Variants in SLFN5 observed in about 807,000 individuals in gnomAD.
SLFN5 encodes schlafen family member 5.
In SLFN5, 34 loss-of-function variants were observed where a neutral mutation model predicts 48.5. The observed-to-expected ratio is 0.70, with a 90% CI of 0.53 to 0.93. The LOEUF is 0.93. SLFN5 is among the 40% of genes least tolerant of loss of function. The pLI, the probability that SLFN5 is intolerant of heterozygous loss-of-function variation, is 0.00. For synonymous variants in SLFN5, 387 were observed against 396.2 expected, an observed-to-expected ratio of 0.98 and a Z score of 0.28; for missense variants, 1,006 against 1,071.3, an observed-to-expected ratio of 0.94 and a Z score of 0.85.
rs1448653198 is a variant in SLFN5, at chr17:35,271,208, T to G, written c.*5320T>G. On this transcript the variant is annotated 3_prime_UTR_variant, in exon 5 of 5. Coordinates refer to ENST00000299977, the MANE Select transcript of SLFN5 (RefSeq NM_144975.4). The stretch of plus-strand genomic sequence containing the variant: ...AATAATGTACTTATAGTATTCATCT[T>G]CATACAGGGATGGACTATAAGTGAT... 6.6e-6 allele frequency: 1 copy of G among 152,208 alleles called. No individual in the cohort carries two copies. Among genetic ancestry groups the G allele is most frequent in the African/African-American group, 2.4e-5 (1 of 41,456 alleles). The allele number at this position is 152,208 out of a possible 1,614,324, so 9.4% of individuals were successfully genotyped here. A position where few individuals can be genotyped will look rare whatever the true frequency, so the allele number is the denominator to read the frequency against.
At position 35,264,612 on chromosome 17, in the gene SLFN5, C is replaced by T. The variant is rs1904620021; in HGVS notation, c.1568C>T (p.Pro523Leu). 1.2e-6 allele frequency: 2 copies of T among 1,614,168 alleles called. No homozygotes were observed. Among genetic ancestry groups the T allele is most frequent in the Non-Finnish European group, 1.7e-6 (2 of 1,180,034 alleles). ...CCTGAATCCTATAACTTCATGACCC[C>T]CCAGCACATGGAAGCCCTGTTACAG... ...IYPESYNFMT[P>L]QHMEALLQSL... Residue 523 changes from proline (P) to leucine (L), a missense_variant, in exon 4 of 5, where the codon CCC becomes CTC. Transcript: ENST00000299977.
chr17:35,255,529 G>A (rs1300541852), intron 1 of SLFN5, among the ~76,000 whole-genome samples: 1 of 152,188 alleles, frequency 6.6e-6, no homozygotes, highest in African/African-American at 2.4e-5. Context: ...AGAGTTGGGA[G>A]GTAGAGCCTT....
Position 35,259,366 on chromosome 17 carries a change from T to C in SLFN5, c.676T>C (p.Tyr226His), listed in dbSNP as rs779326907. Residue 226 changes from tyrosine (Y) to histidine (H), a missense_variant, in exon 2 of 5, where the codon TAT becomes CAT. Physicochemically the swap from Tyr to His is moderately conservative, Grantham distance 83 (BLOSUM62 2). Coordinates refer to ENST00000299977, the MANE Select transcript of SLFN5 (RefSeq NM_144975.4). ...TGCATTTGCAAATACTGAAGGAGGA[T>C]ATGTATTTTTTGGTGTGCATGATGA... is the stretch of plus-strand genomic sequence containing the variant. Reference protein sequence around the residue: ...VSAFANTEGGYVFFGVHDETC... With the variant: ...VSAFANTEGGHVFFGVHDETC... 31 of 1,614,016 alleles carry C rather than the reference T, an allele frequency of 1.9e-5. No individual in the cohort carries two copies. In the East Asian group the frequency reaches 6.9e-4, roughly 36 times the overall value.
chr17:35,249,689 G>C (rs777429516), intron 1 of SLFN5, among the ~76,000 whole-genome samples: 3 of 152,132 alleles, frequency 2.0e-5, no homozygotes, highest in African/African-American at 7.2e-5. Context: ...TTGATATCAT[G>C]CCTATGAGTT....
At chr17:35,246,386 A>C (rs1454506408) in intron 1 of SLFN5, among the ~76,000 whole-genome samples, 1 of 152,112 alleles carries the variant, frequency 6.6e-6, no homozygotes, top group Non-Finnish European at 1.5e-5. Context: ...GGTTTGCTGC[A>C]CAGATCATCC....
rs144855716 is a variant in SLFN5, at chr17:35,254,396, C to T, written c.-40-4255C>T. Among the ~76,000 whole-genome samples, 17 of 152,256 alleles carry T rather than the reference C, an allele frequency of 1.1e-4. 1 individual carries two copies. Among genetic ancestry groups the T allele is most frequent in the Middle Eastern group, 3.4e-3 (1 of 294 alleles). ...TTCCCAGACCTCCCTTCACAAACAT[C>T]CAGGGGATTTTTAAACTTCCTTTCC... On this transcript the variant is annotated intron_variant, in intron 1 of 4. Transcript: ENST00000299977.
rs760533274 is a variant in SLFN5 at position 35,265,044 on chromosome 17, G to C, written c.1860-28G>C. The C allele has an allele frequency of 4.7e-5, 75 of 1,581,266 alleles. No individual in the cohort carries two copies. The Admixed American group carries it at 1.3e-3, about 26-fold the overall frequency. On this transcript the variant is annotated intron_variant, in intron 4 of 4. Coordinates refer to ENST00000299977, the MANE Select transcript of SLFN5 (RefSeq NM_144975.4). ...AGAATCTGCTTTCTTTGTTTCATTG[G>C]GGAAAAACCTGACTCTGTTTCTTAC...
rs1205319471 is a variant in SLFN5, at chr17:35,266,690, A to G, written c.*802A>G. 5 of 152,162 alleles carry G rather than the reference A, an allele frequency of 3.3e-5. No individual in the cohort carries two copies. The highest frequency in any genetic ancestry group is 9.7e-5 in the African/African-American group (4 of 41,428). The allele number at this position is 152,162 out of a possible 1,614,324, so 9.4% of individuals were successfully genotyped here. A position where few individuals can be genotyped will look rare whatever the true frequency, so the allele number is the denominator to read the frequency against. On this transcript the variant is annotated 3_prime_UTR_variant, in exon 5 of 5. Coordinates refer to ENST00000299977, the MANE Select transcript of SLFN5 (RefSeq NM_144975.4). ...TTTTACTGATTGATTTGAAGATGAT[A>G]GAGAGCCTAGGGGGATGAGTCTATT...
In SLFN5 at chr17:35,259,821, T is replaced by A. The variant is rs899940; in HGVS notation, c.1012+119T>A. ...CTGGGGAAAGAGATTTACTCTCTGA[T>A]TTGCAATTGTCTGACTTATTAATCC... is the stretch of plus-strand genomic sequence containing the variant. On this transcript the variant is annotated intron_variant, in intron 2 of 4. Transcript: ENST00000299977. 14 of 1,202,802 alleles carry A rather than the reference T, an allele frequency of 1.2e-5. No individual in the cohort carries two copies. The Admixed American group carries it at 3.4e-4, about 30-fold the overall frequency. 74.5% of individuals were successfully genotyped at this position (1,202,802 alleles called of 1,614,324 possible). A position where few individuals can be genotyped will look rare whatever the true frequency, so the allele number is the denominator to read the frequency against.
Position 35,259,390 on chromosome 17 carries a change from G to A in SLFN5, c.700G>A (p.Glu234Lys). Residue 234 changes from glutamate to lysine, a missense_variant, in exon 2 of 5, where the codon GAG becomes AAG. By Grantham distance (56) the Glu-to-Lys change is moderately conservative (BLOSUM62 1). Coordinates refer to ENST00000299977, the MANE Select transcript of SLFN5 (RefSeq NM_144975.4). The stretch of plus-strand genomic sequence containing the variant: ...ATATGTATTTTTTGGTGTGCATGAT[G>A]AGACTTGTCAAGTGATTGGATGTGA... ...GGYVFFGVHD[E>K]TCQVIGCEKE... 3.1e-6 allele frequency: 5 copies of A among 1,614,202 alleles called. No individual in the cohort carries two copies. The highest frequency in any genetic ancestry group is 1.1e-5 in the South Asian group (1 of 91,078).
In SLFN5 at chr17:35,264,237, C is replaced by T. The variant is rs760275920; in HGVS notation, c.1193C>T (p.Ser398Leu). 1.2e-5 allele frequency: 20 copies of T among 1,613,774 alleles called. No homozygotes were observed. The highest frequency in any genetic ancestry group is 1.7e-5 in the Non-Finnish European group (20 of 1,179,990). Residue 398 changes from serine to leucine, a missense_variant, in exon 4 of 5, where the codon TCA becomes TTA. Coordinates refer to ENST00000299977, the MANE Select transcript of SLFN5 (RefSeq NM_144975.4). ...TPESLYKELF[S>L]QHKGLRDLIN... ...GAAAGCCTCTACAAGGAACTCTTCT[C>T]ACAACATAAAGGACTCAGAGACTTA...
At position 35,264,570 on chromosome 17, in the gene SLFN5, C is replaced by T. The variant is rs755184137; in HGVS notation, c.1526C>T (p.Ser509Leu). 1.4e-5 allele frequency: 23 copies of T among 1,614,022 alleles called. No homozygotes were observed. Among genetic ancestry groups the T allele is most frequent in the African/African-American group, 4.0e-5 (3 of 74,918 alleles). ...AGAAAAGCACAGAGCGTTTACAGTT[C>T]GTATTTACAAATTTACCCTGAATCC... Reference protein sequence around the residue: ...SDRKAQSVYSSYLQIYPESYN... With the variant: ...SDRKAQSVYSLYLQIYPESYN... Residue 509 changes from serine to leucine, a missense_variant, in exon 4 of 5, where the codon TCG (serine) becomes TTG (leucine). By Grantham distance (145) the Ser-to-Leu change is moderately radical. Coordinates refer to ENST00000299977, the MANE Select transcript of SLFN5 (RefSeq NM_144975.4).
chr17:35,263,609 G>A (rs11657756), intron 3 of SLFN5, among the ~76,000 whole-genome samples: 49,811 of 151,364 alleles, frequency 0.33, 9,992 homozygotes, highest in Middle Eastern at 0.51. Flanking sequence ...GATCACTTGA[G>A]CCCAGGAGTT....
intron 1 of SLFN5, among the ~76,000 whole-genome samples, chr17:35,244,230 G>T (rs886404839): frequency 2.4e-4 from 37 of 152,242 alleles, no homozygotes; most frequent in African/African-American, 8.7e-4. Flanking sequence ...ATAAGCAAGG[G>T]CCTCATCGGA....
At chr17:35,257,584 T>C (rs1359471172) in intron 1 of SLFN5, among the ~76,000 whole-genome samples, 4 of 151,894 alleles carry the variant, frequency 2.6e-5, no homozygotes, top group South Asian at 2.1e-4. Context: ...TGATGTCTTG[T>C]GGAGTTACTA....
In SLFN5 at chr17:35,259,050, A is replaced by G. The variant is rs143916015; in HGVS notation, c.360A>G (p.Arg120=). Residue 120 remains arginine, a synonymous_variant, in exon 2 of 5, where the codon AGA becomes AGG. Coordinates refer to ENST00000299977, the MANE Select transcript of SLFN5 (RefSeq NM_144975.4). ...CCTTATGCTCCAATTTGTACCACAG[A>G]GAGAGAACATCCACCGATGTCATGG... ...LATLCSNLYH[R]ERTSTDVMDS... The G allele has an allele frequency of 6.2e-7, 1 of 1,614,216 alleles. No homozygotes were observed. Among genetic ancestry groups the G allele is most frequent in the South Asian group, 1.1e-5 (1 of 91,086 alleles).
intron 3 of SLFN5, among the ~76,000 whole-genome samples, chr17:35,262,397 A>G (rs140503128): frequency 0.013 from 1,970 of 151,278 alleles, 35 homozygotes; most frequent in African/African-American, 0.045. Flanking sequence ...AAAAAAAAAG[A>G]AAAGGAAAAG....
At chr17:35,262,332 ATGGCACCACTGCACTCCAGCC>A (rs1306236237) in intron 3 of SLFN5, among the ~76,000 whole-genome samples, 1 of 150,326 alleles carries the variant, frequency 6.7e-6, no homozygotes, top group Non-Finnish European at 1.5e-5. Context: ...GTGAGCCAAG[ATGGCACCACTGCACTCCAGCC>A]TGGGCGACAG....
chr17:35,252,602 A>C (rs967505437), intron 1 of SLFN5, among the ~76,000 whole-genome samples: 1 of 148,854 alleles, frequency 6.7e-6, no homozygotes, highest in Non-Finnish European at 1.5e-5. Flanking sequence ...GAACAATTTA[A>C]TTATGATGTT....
Sources: allele counts gnomAD v4.1 joint callset (sites outside exome capture counted in the v4.1 genomes callset), GRCh38; gene constraint gnomAD v4.1.1; transcripts MANE v1.5; gene names NCBI Gene and HGNC (gene_info 2026-07-23, HGNC 2026-07-21).